SRCIN1: variants seen among roughly 807,000 people sequenced by gnomAD.
SRCIN1 encodes the protein SRC kinase signaling inhibitor 1.
Under a neutral mutation model 116.2 loss-of-function variants are expected in SRCIN1, and 50 were observed. That is an observed-to-expected ratio of 0.43 (90% CI 0.34 to 0.54). The LOEUF (loss-of-function observed/expected upper bound fraction) is 0.54. SRCIN1 is among the 20% of genes least tolerant of loss of function. The pLI, the probability that SRCIN1 is intolerant of heterozygous loss-of-function variation, is 0.02. For synonymous variants in SRCIN1, 736 were observed against 750.0 expected (o/e 0.98, Z 0.30); for missense variants, 1,446 against 1,672.0 (o/e 0.86, Z 2.36).
intron 1 of SRCIN1, among the ~76,000 whole-genome samples, chr17:38,593,157 G>A (rs550722318): frequency 1.1e-4 from 16 of 152,296 alleles, no homozygotes; most frequent in South Asian, 1.0e-3. Context: ...GCCCAGAGGC[G>A]GTTGTTGGGG....
At chr17:38,593,999 G>A (rs1425097694) in intron 1 of SRCIN1, among the ~76,000 whole-genome samples, 1 of 152,246 alleles carries the variant, frequency 6.6e-6, no homozygotes, top group African/African-American at 2.4e-5. Context: ...AGTAAGTCTT[G>A]TAAGGTACTG....
chr17:38,585,831 G>A lies in SRCIN1; in HGVS notation c.23-7040C>T, dbSNP rs1179044314. Among the ~76,000 whole-genome samples the A allele has an allele frequency of 1.3e-5, 2 of 152,176 alleles. No homozygotes were observed. Among genetic ancestry groups the A allele is most frequent in the African/African-American group, 2.4e-5 (1 of 41,446 alleles). On this transcript the variant is annotated intron_variant, in intron 1 of 18. Coordinates refer to ENST00000617146, the MANE Select transcript of SRCIN1 (RefSeq NM_025248.3). The surrounding 1 kb of genome is among the most constrained non-coding windows in gnomAD (Gnocchi z 4.2). Reference sequence around the variant, plus strand: ...CAACTAAAGCCTCGGAGATGAGGGCGTGTGATGGGGGAAGGGCGATGGGGG... The same window carrying A: ...CAACTAAAGCCTCGGAGATGAGGGCATGTGATGGGGGAAGGGCGATGGGGG...
chr17:38,591,860 C>A (rs1908460152), intron 1 of SRCIN1, among the ~76,000 whole-genome samples: 1 of 152,234 alleles, frequency 6.6e-6, no homozygotes, highest in Non-Finnish European at 1.5e-5. Context: ...CCCCTCAGAG[C>A]CCCAGCTCCA....
chr17:38,559,935 G>T, intron 9 of SRCIN1, 119 bp downstream of exon 9: 3 of 1,350,498 alleles, frequency 2.2e-6, no homozygotes, highest in Admixed American at 4.0e-5. Context: ...GGACCAAAGT[G>T]CCAGGAAAAA....
Position 38,568,003 on chromosome 17 carries a change from C to T in SRCIN1, c.345+208G>A, listed in dbSNP as rs965836419. ...AGATCCCCAGCAGGGGTGGCCCAAA[C>T]TCCTACTCCATCCACAAGCCCCTGA... On this transcript the variant is annotated intron_variant, in intron 3 of 18. Coordinates refer to ENST00000617146, the MANE Select transcript of SRCIN1 (RefSeq NM_025248.3). The surrounding 1 kb of genome is among the most constrained non-coding windows in gnomAD (Gnocchi z 4.5). Among the ~76,000 whole-genome samples the T allele has an allele frequency of 1.7e-4, 26 of 152,342 alleles. No individual in the cohort carries two copies. Among genetic ancestry groups the T allele is most frequent in the Admixed American group, 1.7e-3 (26 of 15,310 alleles).
chr17:38,590,961 C>G (rs796581512), intron 1 of SRCIN1, among the ~76,000 whole-genome samples: 7 of 152,316 alleles, frequency 4.6e-5, no homozygotes, highest in African/African-American at 1.7e-4. Context: ...CTTGGGGGGG[C>G]CTATTCCCCA....
Position 38,548,677 on chromosome 17 carries a change from C to A in SRCIN1, c.3150G>T (p.Lys1050Asn), listed in dbSNP as rs773784999. 3.6e-5 allele frequency: 58 copies of A among 1,610,476 alleles called. No individual in the cohort carries two copies. The Admixed American group carries it at 8.0e-4, about 22-fold the overall frequency. The change falls in exon 17 of 19, where the codon AAG becomes AAT. Residue 1050 changes from lysine (K) to asparagine (N), a missense_variant. Physicochemically the swap from Lys to Asn is moderately conservative, Grantham distance 94. Around this residue, in one of 5 missense-constraint regions of SRCIN1, gnomAD observed 531 missense variants for 633.9 expected, o/e 0.84. Coordinates refer to ENST00000617146, the MANE Select transcript of SRCIN1 (RefSeq NM_025248.3). ...KAESEELEVQ[K>N]PQVKLRRAVS... Reference sequence around the variant, plus strand: ...CAGCCCGGCGCAGCTTCACCTGGGGCTTCTGCACCTCCAGCTCCTCGGACT... The same window carrying A: ...CAGCCCGGCGCAGCTTCACCTGGGGATTCTGCACCTCCAGCTCCTCGGACT...
rs1272439890 is a variant in SRCIN1, at chr17:38,561,864, G to A, written c.1299C>T (p.Arg433=). Residue 433 remains arginine, a synonymous_variant, in exon 7 of 19, where the codon CGC becomes CGT. Coordinates refer to ENST00000617146, the MANE Select transcript of SRCIN1 (RefSeq NM_025248.3). ...AGGLYKRGSV[R]SLSTYSAAAL... ...CGGCGGCCGAGTAGGTGCTGAGCGA[G>A]CGCACCGAGCCGCGCTTGTAGAGGC... 1.4e-6 allele frequency: 2 copies of A among 1,460,786 alleles called. No homozygotes were observed. Among genetic ancestry groups the A allele is most frequent in the Non-Finnish European group, 1.8e-6 (2 of 1,118,602 alleles). The allele number at this position is 1,460,786 out of a possible 1,614,324, so 90.5% of individuals were successfully genotyped here.
Position 38,568,086 on chromosome 17 carries a change from C to T in SRCIN1, c.345+125G>A. Reference sequence around the variant, plus strand: ...CACAGCCTGCAGCCCCGAGGCCCACCGCCCATACCAGAAGGTGTCCGTGCA... The same window carrying T: ...CACAGCCTGCAGCCCCGAGGCCCACTGCCCATACCAGAAGGTGTCCGTGCA... On this transcript the variant is annotated intron_variant, in intron 3 of 18. Transcript: ENST00000617146. This position sits in a 1 kb window ranked among gnomAD's most constrained non-coding sequence, Gnocchi z 4.5. The T allele has an allele frequency of 9.9e-6, 12 of 1,206,130 alleles. No individual in the cohort carries two copies. The highest frequency in any genetic ancestry group is 2.6e-5 in the South Asian group (2 of 77,438). 74.7% of individuals were successfully genotyped at this position (1,206,130 alleles called of 1,614,324 possible).
Position 38,568,302 on chromosome 17 carries a change from T to C in SRCIN1, c.325-71A>G. On this transcript the variant is annotated intron_variant, in intron 2 of 18. Transcript: ENST00000617146. This position sits in a 1 kb window ranked among gnomAD's most constrained non-coding sequence, Gnocchi z 4.5. ...AGGGGAAAAGAGGGGCAGGGGCAGG[T>C]TAGAGACCCTTGGAACTCAGCACTC... 2 of 1,513,220 alleles carry C rather than the reference T, an allele frequency of 1.3e-6. No homozygotes were observed. The highest frequency in any genetic ancestry group is 1.8e-6 in the Non-Finnish European group (2 of 1,100,228). 93.7% of individuals were successfully genotyped at this position (1,513,220 alleles called of 1,614,324 possible). A position where few individuals can be genotyped will look rare whatever the true frequency, so the allele number is the denominator to read the frequency against.
chr17:38,588,878 G>C (rs770318159), intron 1 of SRCIN1, among the ~76,000 whole-genome samples: 1 of 152,160 alleles, frequency 6.6e-6, no homozygotes, highest in Non-Finnish European at 1.5e-5. Flanking sequence ...ATCCTCCTCA[G>C]AGACACCACC....
intron 1 of SRCIN1, among the ~76,000 whole-genome samples, chr17:38,584,072 C>T (rs534424889): frequency 9.9e-4 from 151 of 152,308 alleles, no homozygotes; most frequent in African/African-American, 2.8e-3. Context: ...TCAATGCGTC[C>T]TGTTCCAGGC....
chr17:38,588,592 G>A (rs560345408), intron 1 of SRCIN1, among the ~76,000 whole-genome samples: 20 of 152,318 alleles, frequency 1.3e-4, no homozygotes, highest in Non-Finnish European at 1.9e-4. Flanking sequence ...CTGCCAGGGC[G>A]TCTTCTCCCC....
chr17:38,559,521 T>C (rs1906057893), intron 10 of SRCIN1, 64 bp downstream of exon 10: 2 of 1,535,840 alleles, frequency 1.3e-6, no homozygotes, highest in Admixed American at 1.8e-5. Flanking sequence ...GGGCGGGACT[T>C]GCGGCAAGGG....
At chr17:38,533,454 G>C (rs1320209239) in intron 18 of SRCIN1, 23 bp from the exon 19 acceptor site, 7 of 1,610,354 alleles carry the variant, frequency 4.3e-6, no homozygotes, top group Non-Finnish European at 5.9e-6. Flanking sequence ...CAGGGGTCAG[G>C]GGTCAGAGAG....
chr17:38,551,317 G>A lies in SRCIN1; in HGVS notation c.2800C>T (p.Leu934=), dbSNP rs1037815129. 6.2e-7 allele frequency: 1 copy of A among 1,613,752 alleles called. No individual in the cohort carries two copies. The highest frequency in any genetic ancestry group is 2.2e-5 in the East Asian group (1 of 44,894). The part of the protein sequence containing the change: ...QYSAKDINRL[L]EETQAELLKA... ...AGCAGCTCTGCCTGTGTCTCTTCCA[G>A]CAGCCGGTTGATGTCCTTGGCACTG... Residue 934 remains leucine (L), a synonymous_variant, in exon 15 of 19, where the codon CTG becomes TTG. Transcript: ENST00000617146.
chr17:38,578,582 G>A lies in SRCIN1; in HGVS notation c.232C>T (p.Arg78Cys). 6.2e-7 allele frequency: 1 copy of A among 1,612,218 alleles called. No homozygotes were observed. The highest frequency in any genetic ancestry group is 8.5e-7 in the Non-Finnish European group (1 of 1,179,002). Residue 78 changes from arginine (R) to cysteine (C), a missense_variant, in exon 2 of 19, where the codon CGC becomes TGC. Arg to Cys is a radical substitution (Grantham distance 180, BLOSUM62 -3). Coordinates refer to ENST00000617146, the MANE Select transcript of SRCIN1 (RefSeq NM_025248.3). ...TGGTCCATGAAGGCATCACGCTTGC[G>A]GTCGGCGTCCGCCTTCTGGAGCCCG... Reference protein sequence around the residue: ...LSGLQKADADRKRDAFMDHLK... With the variant: ...LSGLQKADADCKRDAFMDHLK...
chr17:38,533,942 G>A (rs1202195812), intron 18 of SRCIN1, among the ~76,000 whole-genome samples: 1 of 151,836 alleles, frequency 6.6e-6, no homozygotes, highest in African/African-American at 2.4e-5. Flanking sequence ...TCCTCCCAGG[G>A]GGGAATAAAC....
intron 2 of SRCIN1, among the ~76,000 whole-genome samples, chr17:38,570,172 G>A (rs1306755667): frequency 6.6e-6 from 1 of 152,036 alleles, no homozygotes; most frequent in Non-Finnish European, 1.5e-5. Context: ...TACTAAGAGA[G>A]GGGCTCCCCA....
Sources: gnomAD v4.1 joint callset for allele counts (sites outside exome capture counted in the v4.1 genomes callset) on GRCh38, gnomAD v4.1.1 for gene constraint, gnomAD v4.1.1 regional missense constraint, Gnocchi (gnomAD v3.1) non-coding constraint, MANE v1.5 for transcripts, NCBI Gene and HGNC (gene_info 2026-07-23, HGNC 2026-07-21) for gene names.